The following KRT12 variants were observed in gnomAD, a reference collection of about 807,000 sequenced individuals.
KRT12 encodes the protein keratin 12.
A neutral mutation model predicts 50.2 loss-of-function variants in KRT12; 43 were observed. The ratio of observed to expected loss-of-function variants is 0.86; its 90% CI spans 0.67 to 1.11. The LOEUF (loss-of-function observed/expected upper bound fraction) is 1.11, where lower values mean the gene tolerates loss of function less well. Among genes scored for constraint, KRT12 ranks in the 50% least tolerant of loss-of-function variants. The pLI is 0.00. For missense variants in KRT12, 588 were observed against 625.6 expected, an observed-to-expected ratio of 0.94 and a Z score of 0.64; for synonymous variants, 257 against 253.6, an observed-to-expected ratio of 1.01 and a Z score of -0.13.
At chr17:40,862,905 T>A (rs1045074206) in intron 6 of KRT12, among the ~76,000 whole-genome samples, 2 of 152,224 alleles carry the variant, frequency 1.3e-5, no homozygotes, top group African/African-American at 4.8e-5. Context: ...CTGACCGTGG[T>A]GCCTTTGTTC....
At chr17:40,861,862 A>C in intron 7 of KRT12, 104 bp from the exon 8 acceptor site, 1 of 772,956 alleles carries the variant, frequency 1.3e-6, no homozygotes, top group East Asian at 2.5e-5. Context: ...GGTTGATACA[A>C]TCCATCTAAT....
Position 40,866,973 on chromosome 17 carries a change from C to T in KRT12, c.214G>A (p.Gly72Ser). ...CCTCCTGCCATGGAACTTCCGGAGC[C>T]ACCCCCAAAGCCGGAACTAGAACCA... ...MFGSSSGFGG[G>S]SGSSMAGGLG... Residue 72 changes from glycine (G) to serine (S), a missense_variant, in exon 1 of 8, where the codon GGC becomes AGC. Physicochemically the swap from Gly to Ser is moderately conservative, Grantham distance 56. Transcript: ENST00000251643. 1 of 1,598,374 alleles carries T rather than the reference C, an allele frequency of 6.3e-7. No homozygotes were observed. The highest frequency in any genetic ancestry group is 8.5e-7 in the Non-Finnish European group (1 of 1,173,018).
chr17:40,861,340 A>G lies in KRT12; in HGVS notation c.*321T>C. 2.8e-6 allele frequency: 1 copy of G among 352,692 alleles called. No individual in the cohort carries two copies. The highest frequency in any genetic ancestry group is 5.3e-6 in the Non-Finnish European group (1 of 190,148). 21.8% of individuals were successfully genotyped at this position (352,692 alleles called of 1,614,324 possible). A position where few individuals can be genotyped will look rare whatever the true frequency, so the allele number is the denominator to read the frequency against. Reference sequence around the variant, plus strand: ...TTTTATTACAATTAACTCTATTAAAACAATACTACTTGATTAAAGCTCTAT... The same window carrying G: ...TTTTATTACAATTAACTCTATTAAAGCAATACTACTTGATTAAAGCTCTAT... On this transcript the variant is annotated 3_prime_UTR_variant, in exon 8 of 8. Transcript: ENST00000251643.
chr17:40,866,221 A>C lies in KRT12; in HGVS notation c.584T>G (p.Ile195Ser). Residue 195 changes from isoleucine to serine, a missense_variant, in exon 2 of 8, where the codon ATT (isoleucine) becomes AGT (serine). Coordinates refer to ENST00000251643, the MANE Select transcript of KRT12 (RefSeq NM_000223.4). ...DLRNKIISAS[I>S]GNAQLLLQID... The stretch of plus-strand genomic sequence containing the variant: ...CTGCAAGAGGAGCTGGGCATTTCCA[A>C]TGCTGGCTGAAATGATCTGGCAAAA... 1 of 1,614,134 alleles carries C rather than the reference A, an allele frequency of 6.2e-7. No individual in the cohort carries two copies. The highest frequency in any genetic ancestry group is 8.5e-7 in the Non-Finnish European group (1 of 1,179,972).
chr17:40,861,333 T>C lies in KRT12; in HGVS notation c.*328A>G. The C allele has an allele frequency of 3.0e-6, 1 of 336,724 alleles. No homozygotes were observed. Among genetic ancestry groups the C allele is most frequent in the Non-Finnish European group, 5.5e-6 (1 of 180,418 alleles). 20.9% of individuals were successfully genotyped at this position (336,724 alleles called of 1,614,324 possible). ...ATTCATCTTTTATTACAATTAACTCTATTAAAACAATACTACTTGATTAAA... is the reference window on the plus strand; with the variant it reads ...ATTCATCTTTTATTACAATTAACTCCATTAAAACAATACTACTTGATTAAA... On this transcript the variant is annotated 3_prime_UTR_variant, in exon 8 of 8. Transcript: ENST00000251643.
rs1906794728 is a variant in KRT12 at position 40,861,318 on chromosome 17, T to TA, written c.*342dup. ...TTTCACATTATTACCATTCATCTTT[T>TA]ATTACAATTAACTCTATTAAAACAA... On this transcript the variant is annotated 3_prime_UTR_variant, in exon 8 of 8. Coordinates refer to ENST00000251643, the MANE Select transcript of KRT12 (RefSeq NM_000223.4). 3.6e-6 allele frequency: 1 copy of TA among 277,288 alleles called. No individual in the cohort carries two copies. Among genetic ancestry groups the TA allele is most frequent in the African/African-American group, 2.2e-5 (1 of 45,080 alleles). 17.2% of individuals were successfully genotyped at this position (277,288 alleles called of 1,614,324 possible). A position where few individuals can be genotyped will look rare whatever the true frequency, so the allele number is the denominator to read the frequency against.
chr17:40,864,926 C>T lies in KRT12; in HGVS notation c.687G>A (p.Glu229=). The change falls in exon 3 of 8, where the codon GAG becomes GAA. Residue 229 remains glutamate, a synonymous_variant. Coordinates refer to ENST00000251643, the MANE Select transcript of KRT12 (RefSeq NM_000223.4). ...ENELALRQGV[E]ADINGLRRVL... is the part of the protein sequence containing the mutation. ...CCCGGCGCAGGCCATTGATGTCGGC[C>T]TCTACGCCCTGGCGCAGGGCCAGTT... is the stretch of plus-strand genomic sequence containing the variant. The T allele has an allele frequency of 6.2e-7, 1 of 1,614,260 alleles. No individual in the cohort carries two copies. Among genetic ancestry groups the T allele is most frequent in the Non-Finnish European group, 8.5e-7 (1 of 1,180,046 alleles).
chr17:40,862,052 T>A (rs1906822234), intron 7 of KRT12, among the ~76,000 whole-genome samples: 1 of 150,770 alleles, frequency 6.6e-6, no homozygotes, highest in Non-Finnish European at 1.5e-5. Context: ...CTTTGCCATT[T>A]TTTTTATTTT....
Position 40,866,154 on chromosome 17 carries a change from C to T in KRT12, c.650+1G>A. On this transcript the variant is annotated splice_donor_variant, in intron 2 of 7. Transcript: ENST00000251643. LOFTEE classifies it high-confidence loss of function. ...CATGATCTTCAGTTTATTCGACTCA[C>T]TTCATCCTGAAGTCCTCAGCAGCTA... is the stretch of plus-strand genomic sequence containing the variant. 3 of 1,612,600 alleles carry T rather than the reference C, an allele frequency of 1.9e-6. No homozygotes were observed. The highest frequency in any genetic ancestry group is 1.1e-5 in the South Asian group (1 of 91,042).
chr17:40,862,748 A>G (rs893372282), intron 6 of KRT12, 113 bp from the exon 7 acceptor site: 1 of 819,168 alleles, frequency 1.2e-6, no homozygotes, highest in African/African-American at 1.7e-5. Flanking sequence ...TCTTCCAACT[A>G]GTGCAGACTC....
At chr17:40,866,112 A>C in intron 2 of KRT12, 43 bp downstream of exon 2, 1 of 1,417,902 alleles carries the variant, frequency 7.1e-7, no homozygotes, top group Non-Finnish European at 1.0e-6. Flanking sequence ...AGGACAGAAG[A>C]CATGGTGGGA....
At chr17:40,864,760 G>C in intron 3 of KRT12, 46 bp downstream of exon 3, 1 of 1,545,664 alleles carries the variant, frequency 6.5e-7, no homozygotes. Context: ...TTTGGGTCTG[G>C]GAGAAAAAAA....
Position 40,864,899 on chromosome 17 carries a change from C to T in KRT12, c.714G>A (p.Val238=), listed in dbSNP as rs936578667. 5.6e-6 allele frequency: 9 copies of T among 1,614,130 alleles called. No individual in the cohort carries two copies. Among genetic ancestry groups the T allele is most frequent in the African/African-American group, 1.3e-5 (1 of 74,938 alleles). Reference sequence around the variant, plus strand: ...TCCTGGTCAGGGTCAGCTCGTCCAGCACCCGGCGCAGGCCATTGATGTCGG... The same window carrying T: ...TCCTGGTCAGGGTCAGCTCGTCCAGTACCCGGCGCAGGCCATTGATGTCGG... ...VEADINGLRR[V]LDELTLTRTD... Residue 238 remains valine, a synonymous_variant, in exon 3 of 8, where the codon GTG becomes GTA. Transcript: ENST00000251643.
chr17:40,864,377 A>G (rs1906929486), intron 3 of KRT12, among the ~76,000 whole-genome samples: 1 of 152,162 alleles, frequency 6.6e-6, no homozygotes, highest in South Asian at 2.1e-4. Flanking sequence ...AATATGCACC[A>G]TGGCACCTCA....
At chr17:40,866,586 A>G in intron 1 of KRT12, 34 bp downstream of exon 1, 1 of 1,583,980 alleles carries the variant, frequency 6.3e-7, no homozygotes, top group African/African-American at 1.3e-5. Flanking sequence ...AAGGAAAAAA[A>G]AAATTCCCAA....
rs1449760800 is a variant in KRT12, at chr17:40,863,504, A to G, written c.1076T>C (p.Leu359Pro). The G allele has an allele frequency of 6.2e-7, 1 of 1,614,224 alleles. No homozygotes were observed. The change falls in exon 5 of 8, where the codon CTA (leucine) becomes CCA (proline). Residue 359 changes from leucine (L) to proline (P), a missense_variant. Transcript: ENST00000251643. This position sits in a 1 kb window ranked among gnomAD's most constrained non-coding sequence, Gnocchi z 4.2. ...GCCTACCATGGCGAGCTGGGACTGT[A>G]GCTCGATCTCCAGGTTCTGAAAGGC... is the stretch of plus-strand genomic sequence containing the variant. ...RRAFQNLEIELQSQLAMKKSL... is the reference protein window; with the variant it reads ...RRAFQNLEIEPQSQLAMKKSL...
Position 40,867,158 on chromosome 17 carries a change from A to G in KRT12, c.29T>C (p.Leu10Pro). Residue 10 changes from leucine to proline, a missense_variant, in exon 1 of 8, where the codon CTC becomes CCC. Transcript: ENST00000251643. ...GGACAGTCCGGGGGTGCGCACTGAG[A>G]GTGACATGGTGTTGTTGGAGAGATC... MDLSNNTMS[L>P]SVRTPGLSRR... 6.2e-7 allele frequency: 1 copy of G among 1,608,926 alleles called. No homozygotes were observed. The highest frequency in any genetic ancestry group is 8.5e-7 in the Non-Finnish European group (1 of 1,180,000).
chr17:40,865,472 C>T (rs1169137020), intron 2 of KRT12, among the ~76,000 whole-genome samples: 1 of 152,036 alleles, frequency 6.6e-6, no homozygotes. Flanking sequence ...GTATTTCTTA[C>T]CTATATCTGG....
Position 40,865,029 on chromosome 17 carries a change from A to G in KRT12, c.651-67T>C, listed in dbSNP as rs1597842884. Reference sequence around the variant, plus strand: ...CATTTGAACAAGGCCACTGATCTTCAGGGCTATTTCTTGCTTAAATCTGTG... The same window carrying G: ...CATTTGAACAAGGCCACTGATCTTCGGGGCTATTTCTTGCTTAAATCTGTG... On this transcript the variant is annotated intron_variant, in intron 2 of 7. Transcript: ENST00000251643. 7 of 1,539,310 alleles carry G rather than the reference A, an allele frequency of 4.5e-6. No individual in the cohort carries two copies. In the East Asian group the frequency reaches 1.6e-4, roughly 35 times the overall value.
Sources: gnomAD v4.1 joint callset for allele counts (sites outside exome capture counted in the v4.1 genomes callset) on GRCh38, gnomAD v4.1.1 for gene constraint, Gnocchi (gnomAD v3.1) non-coding constraint, MANE v1.5 for transcripts, NCBI Gene and HGNC (gene_info 2026-07-23, HGNC 2026-07-21) for gene names.